The following ASCC3 variants were observed in gnomAD, a reference collection of about 807,000 sequenced individuals.
The protein encoded by ASCC3 is ASC-1 complex subunit P200.
In ASCC3, 158 loss-of-function variants were observed where a neutral mutation model predicts 256.3. The ratio of observed to expected loss-of-function variants is 0.62; its 90% CI spans 0.54 to 0.70. The LOEUF is 0.70. Ranked by LOEUF, ASCC3 falls within the 30% of genes least tolerant of loss-of-function variation. The pLI is 0.00. For missense variants in ASCC3, 2,259 were observed against 2,626.0 expected (o/e 0.86, Z 3.05); for synonymous variants, 948 against 883.4 (o/e 1.07, Z -1.30).
intron 25 of ASCC3, among the ~76,000 whole-genome samples, chr6:100,632,005 C>T (rs958342974): frequency 6.6e-6 from 1 of 151,746 alleles, no homozygotes; most frequent in Non-Finnish European, 1.5e-5. Context: ...TAATTCCAAT[C>T]ACAACATCTC....
intron 3 of ASCC3, chr6:100,857,768 G>C (rs1489201363): frequency 1.3e-5 from 2 of 151,760 alleles, no homozygotes; most frequent in African/African-American, 4.8e-5. Flanking sequence ...AGATCTACTA[G>C]AGTAAGTTCT....
At chr6:100,736,887 C>A (rs1424128220) in intron 10 of ASCC3, among the ~76,000 whole-genome samples, 1 of 152,140 alleles carries the variant, frequency 6.6e-6, no homozygotes, top group Non-Finnish European at 1.5e-5. Flanking sequence ...GTGGATCACA[C>A]CTGTAATCCT....
chr6:100,621,659 C>T (rs1773958182), intron 30 of ASCC3, among the ~76,000 whole-genome samples: 1 of 152,220 alleles, frequency 6.6e-6, no homozygotes, highest in Non-Finnish European at 1.5e-5. Context: ...ATTAGTTCAA[C>T]CATTGTGGAA....
chr6:100,509,799 A>G, intron 41 of ASCC3, 133 bp downstream of exon 41: 1 of 897,220 alleles, frequency 1.1e-6, no homozygotes, highest in South Asian at 1.7e-5. Flanking sequence ...GAGGCAGGAG[A>G]ATGGCGTGAA....
At chr6:100,721,361 G>A (rs1195196063) in intron 11 of ASCC3, among the ~76,000 whole-genome samples, 1 of 151,664 alleles carries the variant, frequency 6.6e-6, no homozygotes, top group African/African-American at 2.4e-5. Flanking sequence ...ATGGCTCCTT[G>A]AAAAACATCA....
In ASCC3 at chr6:100,516,072, T is replaced by C. The variant is rs1055580212; in HGVS notation, c.6075+108A>G. The C allele has an allele frequency of 4.5e-5, 60 of 1,342,606 alleles. 1 individual carries two copies. The East Asian group carries it at 1.3e-3, about 29-fold the overall frequency. The allele number at this position is 1,342,606 out of a possible 1,614,324, so 83.2% of individuals were successfully genotyped here. On this transcript the variant is annotated intron_variant, in intron 39 of 41. Coordinates refer to ENST00000369162, the MANE Select transcript of ASCC3 (RefSeq NM_006828.4). ...CATAGTAGTAAATGGCAGAGACAAT[T>C]TAACTCAAGGTGAGCCTGGTTCCAA...
chr6:100,867,773 C>A (rs893716338), intron 2 of ASCC3, 135 bp downstream of exon 2: 17 of 743,652 alleles, frequency 2.3e-5, no homozygotes, highest in Non-Finnish European at 2.8e-5. Context: ...CATACACATT[C>A]TCCATCTTTG....
At chr6:100,806,966 TAAGAA>T (rs1346297506) in intron 4 of ASCC3, among the ~76,000 whole-genome samples, 4 of 151,886 alleles carry the variant, frequency 2.6e-5, no homozygotes, top group African/African-American at 9.7e-5. Flanking sequence ...TTTTTGGACT[TAAGAA>T]AATAAAGCTT....
At chr6:100,584,513 A>G (rs144398023) in intron 36 of ASCC3, among the ~76,000 whole-genome samples, 1 of 152,302 alleles carries the variant, frequency 6.6e-6, no homozygotes, top group Non-Finnish European at 1.5e-5. Flanking sequence ...TGAACACAGC[A>G]CGCTGATGGG....
chr6:100,766,661 T>C lies in ASCC3; in HGVS notation c.1641A>G (p.Thr547=). 6.2e-7 allele frequency: 1 copy of C among 1,614,030 alleles called. No homozygotes were observed. Among genetic ancestry groups the C allele is most frequent in the South Asian group, 1.1e-5 (1 of 91,078 alleles). ...APMKALAAEM[T]DYFSRRLEPL... ...GCTCTAGACGTCTGCTGAAGTAATC[T>C]GTCATTTCAGCTGCCAAGGCTTTCA... The change falls in exon 10 of 42, where the codon ACA becomes ACG. Residue 547 remains threonine, a synonymous_variant. Coordinates refer to ENST00000369162, the MANE Select transcript of ASCC3 (RefSeq NM_006828.4).
At chr6:100,824,302 C>A (rs532813072) in intron 4 of ASCC3, among the ~76,000 whole-genome samples, 67 of 152,208 alleles carry the variant, frequency 4.4e-4, no homozygotes, top group African/African-American at 1.5e-3. Flanking sequence ...ATAAAACTTA[C>A]AAAAGTTTTG....
chr6:100,675,022 C>T (rs1258706879), intron 14 of ASCC3, among the ~76,000 whole-genome samples: 2 of 151,808 alleles, frequency 1.3e-5, no homozygotes, highest in Non-Finnish European at 2.9e-5. Context: ...TGTGAATCAA[C>T]ATTAAAACAC....
intron 36 of ASCC3, among the ~76,000 whole-genome samples, chr6:100,579,610 A>AT (rs922894792): frequency 1.7e-4 from 26 of 151,330 alleles, no homozygotes; most frequent in South Asian, 2.1e-4. Flanking sequence ...TCTTTTTCCC[A>AT]TTTTTTTTGG....
At position 100,512,718 on chromosome 6, in the gene ASCC3, C is replaced by T. The variant is rs1403606239; in HGVS notation, c.6276G>A (p.Gly2092=). 6.2e-7 allele frequency: 1 copy of T among 1,613,924 alleles called. No homozygotes were observed. Among genetic ancestry groups the T allele is most frequent in the Non-Finnish European group, 8.5e-7 (1 of 1,179,960 alleles). The change falls in exon 40 of 42, where the codon GGG becomes GGA. Residue 2092 remains glycine (G), a synonymous_variant. Transcript: ENST00000369162. ...LQVSLQRVHF[G]FHKGKPESCA... ...AAACCAAACACTATACCTTGTGGAA[C>T]CCAAAGTGGACTCTCTGCAAGCTCA...
At chr6:100,509,759 G>C (rs1243430983) in intron 41 of ASCC3, among the ~76,000 whole-genome samples, 173 bp downstream of exon 41, 1 of 151,908 alleles carries the variant, frequency 6.6e-6, no homozygotes, top group African/African-American at 2.4e-5. Context: ...GCAGTGGCGG[G>C]CGCCTGTAGT....
At chr6:100,632,182 T>TAAAAAAAAAAAAAA (rs35229827) in intron 25 of ASCC3, among the ~76,000 whole-genome samples, 5 of 102,008 alleles carry the variant, frequency 4.9e-5, no homozygotes, top group South Asian at 3.4e-4. Context: ...GCAAACTATC[T>TAAAAAAAAAAAAAA]AAAAAAAAAA....
At chr6:100,802,425 A>T (rs1388706243) in intron 5 of ASCC3, among the ~76,000 whole-genome samples, 1 of 152,004 alleles carries the variant, frequency 6.6e-6, no homozygotes, top group Non-Finnish European at 1.5e-5. Context: ...CTTCCTAAGG[A>T]TTCCCCAGAA....
chr6:100,875,867 A>T (rs1773978665), intron 1 of ASCC3, among the ~76,000 whole-genome samples: 1 of 152,184 alleles, frequency 6.6e-6, no homozygotes. Context: ...GAAAAAACAA[A>T]CAAACAAACA....
At chr6:100,587,465 C>A (rs1446639492) in intron 36 of ASCC3, among the ~76,000 whole-genome samples, 1 of 152,154 alleles carries the variant, frequency 6.6e-6, no homozygotes. Context: ...ATTAAGAAAA[C>A]AGTGTGATAC....
Sources: gnomAD v4.1 joint callset for allele counts (sites outside exome capture counted in the v4.1 genomes callset) on GRCh38, gnomAD v4.1.1 for gene constraint, MANE v1.5 for transcripts, NCBI Gene and HGNC (gene_info 2026-07-23, HGNC 2026-07-21) for gene names.